The following MYO1D variants were observed in gnomAD, a reference collection of about 807,000 sequenced individuals.
MYO1D encodes myosin ID, also known as unconventional myosin-Id.
MYO1D carries 83 observed loss-of-function variants against 122.0 expected under a neutral mutation model. That is an observed-to-expected ratio of 0.68 (90% confidence interval 0.57 to 0.82). MYO1D has a LOEUF of 0.82. Among genes scored for constraint, MYO1D ranks in the 40% least tolerant of loss-of-function variants. The pLI is 0.00. For missense variants in MYO1D, 1,157 were observed against 1,269.5 expected, an observed-to-expected ratio of 0.91 and a Z score of 1.35; for synonymous variants, 464 against 446.9, an observed-to-expected ratio of 1.04 and a Z score of -0.48.
At chr17:32,778,146 C>A (rs920845052) in intron 3 of MYO1D, among the ~76,000 whole-genome samples, 1 of 152,196 alleles carries the variant, frequency 6.6e-6, no homozygotes, top group Admixed American at 6.5e-5. Flanking sequence ...ATTATAACAG[C>A]TCTGCTGACC....
intron 16 of MYO1D, among the ~76,000 whole-genome samples, chr17:32,693,554 C>G (rs1598014497): frequency 6.6e-6 from 1 of 152,188 alleles, no homozygotes; most frequent in East Asian, 1.9e-4. Context: ...GAACAGATTT[C>G]TTTTAAGTAA....
At chr17:32,501,404 C>T (rs1567868035) in intron 21 of MYO1D, among the ~76,000 whole-genome samples, 1 of 152,200 alleles carries the variant, frequency 6.6e-6, no homozygotes, top group Non-Finnish European at 1.5e-5. Context: ...GCCCTAACAC[C>T]CTCATTCCCG....
intron 16 of MYO1D, chr17:32,684,106 GCA>G (rs1169334672): frequency 6.5e-6 from 1 of 152,772 alleles, no homozygotes; most frequent in Non-Finnish European, 1.5e-5. Context: ...GCTTCGGCTC[GCA>G]CACGGTGCGC....
chr17:32,613,591 T>C (rs1262315828), intron 20 of MYO1D, among the ~76,000 whole-genome samples: 4 of 151,838 alleles, frequency 2.6e-5, no homozygotes, highest in South Asian at 2.1e-4. Context: ...CTAGCCAACA[T>C]GGTGAAACTC....
chr17:32,741,751 A>G (rs993772189), intron 13 of MYO1D, among the ~76,000 whole-genome samples: 32 of 152,154 alleles, frequency 2.1e-4, no homozygotes, highest in African/African-American at 7.7e-4. Context: ...TATACCATGG[A>G]TAGAAAATAT....
At chr17:32,804,436 G>A (rs1221209271) in intron 1 of MYO1D, among the ~76,000 whole-genome samples, 1 of 152,102 alleles carries the variant, frequency 6.6e-6, no homozygotes, top group African/African-American at 2.4e-5. Context: ...TAAAACTTAT[G>A]CAATTTTTAT....
chr17:32,494,349 ATGGG>A lies in MYO1D; in HGVS notation c.*406_*409del. On this transcript the variant is annotated 3_prime_UTR_variant, in exon 22 of 22. Transcript: ENST00000318217. ...CTCACCTTGGGCAAGAGAGGTGGCTATGGGGCTCCCGCAGAGTGGGGTCCTGCAT... is the reference window on the plus strand; with the variant it reads ...CTCACCTTGGGCAAGAGAGGTGGCTAGCTCCCGCAGAGTGGGGTCCTGCAT... 1 of 164,254 alleles carries A rather than the reference ATGGG, an allele frequency of 6.1e-6. No homozygotes were observed. The highest frequency in any genetic ancestry group is 1.3e-5 in the Non-Finnish European group (1 of 75,708). The allele number at this position is 164,254 out of a possible 1,614,324, so 10.2% of individuals were successfully genotyped here. A position where few individuals can be genotyped will look rare whatever the true frequency, so the allele number is the denominator to read the frequency against.
chr17:32,809,503 T>C (rs999334081), intron 1 of MYO1D, among the ~76,000 whole-genome samples: 5 of 151,110 alleles, frequency 3.3e-5, no homozygotes, highest in Admixed American at 1.3e-4. Flanking sequence ...CAGTGGCGTG[T>C]TCTTGGCTCA....
chr17:32,667,985 T>C (rs2088659551), intron 16 of MYO1D, among the ~76,000 whole-genome samples: 1 of 152,204 alleles, frequency 6.6e-6, no homozygotes, highest in African/African-American at 2.4e-5. Context: ...AAATCGCAAT[T>C]ATTTTGCAGA....
chr17:32,534,467 C>G (rs1222227635), intron 21 of MYO1D, among the ~76,000 whole-genome samples: 3 of 152,086 alleles, frequency 2.0e-5, no homozygotes, highest in African/African-American at 7.2e-5. Context: ...GCCACTGCGC[C>G]CAGCTGGAAA....
At chr17:32,626,142 T>C (rs985039825) in intron 20 of MYO1D, among the ~76,000 whole-genome samples, 1 of 152,226 alleles carries the variant, frequency 6.6e-6, no homozygotes, top group African/African-American at 2.4e-5. Flanking sequence ...CCACAAGGCT[T>C]GTAGGCAGAG....
At chr17:32,703,570 C>T (rs1273288282) in intron 16 of MYO1D, among the ~76,000 whole-genome samples, 1 of 151,776 alleles carries the variant, frequency 6.6e-6, no homozygotes, top group African/African-American at 2.4e-5. Context: ...TGCATGCTAC[C>T]GTGCCTGGCT....
intron 1 of MYO1D, among the ~76,000 whole-genome samples, chr17:32,813,574 A>G (rs1041235760): frequency 6.6e-6 from 1 of 152,228 alleles, no homozygotes; most frequent in African/African-American, 2.4e-5. Context: ...GAAAGAAAAA[A>G]GCATGTTTAA....
rs577214347 is a variant in MYO1D, at chr17:32,704,318, T to C, written c.2121+7670A>G. Among the ~76,000 whole-genome samples, 11 of 152,310 alleles carry C rather than the reference T, an allele frequency of 7.2e-5. No individual in the cohort carries two copies. In the East Asian group the frequency reaches 2.1e-3, roughly 29 times the overall value. ...GATTCATTTCTTTTAATGGGTATAGTATAACTGGGGCTTTTTATAAAACAC... is the reference window on the plus strand; with the variant it reads ...GATTCATTTCTTTTAATGGGTATAGCATAACTGGGGCTTTTTATAAAACAC... On this transcript the variant is annotated intron_variant, in intron 16 of 21. Transcript: ENST00000318217.
At chr17:32,758,496 T>A (rs983882938) in intron 10 of MYO1D, among the ~76,000 whole-genome samples, 3 of 152,160 alleles carry the variant, frequency 2.0e-5, no homozygotes, top group Admixed American at 6.5e-5. Context: ...CTTAGAGAAA[T>A]ACATGGAAAT....
intron 16 of MYO1D, among the ~76,000 whole-genome samples, chr17:32,676,993 G>T (rs2088820162): frequency 2.0e-5 from 3 of 151,952 alleles, no homozygotes; most frequent in Admixed American, 2.0e-4. Flanking sequence ...TGTATTTTTA[G>T]TAGAGATGGG....
chr17:32,818,768 C>T (rs1474454359), intron 1 of MYO1D, among the ~76,000 whole-genome samples: 1 of 152,198 alleles, frequency 6.6e-6, no homozygotes, highest in Non-Finnish European at 1.5e-5. Flanking sequence ...CATAAGGTTA[C>T]TGTGAGGACT....
chr17:32,840,563 C>A (rs2090870812), intron 1 of MYO1D, among the ~76,000 whole-genome samples: 1 of 152,152 alleles, frequency 6.6e-6, no homozygotes, highest in Non-Finnish European at 1.5e-5. Flanking sequence ...AATGTTTTTG[C>A]CTTTTGGCTA....
Position 32,721,036 on chromosome 17 carries a change from T to C in MYO1D, c.1900A>G (p.Lys634Glu), listed in dbSNP as rs1255150391. ...AGFAFRQTYE[K>E]FLHRYKMISE... ...GTCTATTCTCACCTGTGAAGAAACT[T>C]CTCGTATGTCTGGCGGAAGGCAAAT... Residue 634 changes from lysine to glutamate, a missense_variant, in exon 15 of 22, where the codon AAG becomes GAG. By Grantham distance (56) the Lys-to-Glu change is moderately conservative. Coordinates refer to ENST00000318217, the MANE Select transcript of MYO1D (RefSeq NM_015194.3). 1.9e-6 allele frequency: 3 copies of C among 1,614,034 alleles called. No homozygotes were observed. The highest frequency in any genetic ancestry group is 2.5e-6 in the Non-Finnish European group (3 of 1,179,948).
Sources: allele counts gnomAD v4.1 joint callset (sites outside exome capture counted in the v4.1 genomes callset), GRCh38; gene constraint gnomAD v4.1.1; transcripts MANE v1.5; gene names NCBI Gene and HGNC (gene_info 2026-07-23, HGNC 2026-07-21).